Variants in MGAT3 observed in about 807,000 individuals in gnomAD.
MGAT3 encodes GlcNAc-T III.
MGAT3 carries 9 observed loss-of-function variants against 29.8 expected under a neutral mutation model. That is an observed-to-expected ratio of 0.30 (90% CI 0.18 to 0.53). MGAT3 has a LOEUF of 0.53. Among genes scored for constraint, MGAT3 ranks in the 20% least tolerant of loss-of-function variants. The pLI, the probability that MGAT3 is intolerant of heterozygous loss-of-function variation, is 0.96. For synonymous variants in MGAT3, 397 were observed against 348.9 expected (o/e 1.14, Z -1.54); for missense variants, 557 against 769.5 (o/e 0.72, Z 3.27).
intron 1 of MGAT3, among the ~76,000 whole-genome samples, chr22:39,466,574 T>C (rs1928653782): frequency 6.6e-6 from 1 of 152,226 alleles, no homozygotes; most frequent in Non-Finnish European, 1.5e-5. Context: ...TTGCTGATAC[T>C]GGTCCCCTGC....
chr22:39,468,499 A>G (rs149825015), intron 1 of MGAT3, among the ~76,000 whole-genome samples: 8 of 152,208 alleles, frequency 5.3e-5, no homozygotes, highest in Non-Finnish European at 1.0e-4. Flanking sequence ...CATTTCCTGT[A>G]TCTCCCCTCT....
chr22:39,487,632 G>C lies in MGAT3; in HGVS notation c.285G>C (p.Arg95=), dbSNP rs778804992. 8 of 1,611,476 alleles carry C rather than the reference G, an allele frequency of 5.0e-6. No individual in the cohort carries two copies. In the Admixed American group the frequency reaches 1.2e-4, roughly 24 times the overall value. Residue 95 remains arginine, a synonymous_variant, in exon 2 of 2, where the codon CGG becomes CGC. Coordinates refer to ENST00000341184, the MANE Select transcript of MGAT3 (RefSeq NM_002409.5). The surrounding 1 kb of genome is among the most constrained non-coding windows in gnomAD (Gnocchi z 5.7). The part of the protein sequence containing the change: ...PPSKAAEELH[R]VDLVLPEDTT... ...GCAAGGCGGCCGAGGAGCTCCACCGGGTGGACTTGGTGCTGCCCGAGGACA... is the reference window on the plus strand; with the variant it reads ...GCAAGGCGGCCGAGGAGCTCCACCGCGTGGACTTGGTGCTGCCCGAGGACA...
rs1047103193 is a variant in MGAT3 at position 39,472,618 on chromosome 22, G to A, written c.-1-14729G>A. Among the ~76,000 whole-genome samples the A allele has an allele frequency of 7.9e-5, 12 of 152,172 alleles. 1 individual carries two copies. Among genetic ancestry groups the A allele is most frequent in the Admixed American group, 5.2e-4 (8 of 15,278 alleles). ...ACCTAGGAGTGGCTCTGGGAGGGTG[G>A]GGCTGCCCCTCACTGCTGCCTGGTT... On this transcript the variant is annotated intron_variant, in intron 1 of 1. Coordinates refer to ENST00000341184, the MANE Select transcript of MGAT3 (RefSeq NM_002409.5).
At chr22:39,474,066 C>A (rs1241324328) in intron 1 of MGAT3, among the ~76,000 whole-genome samples, 1 of 152,052 alleles carries the variant, frequency 6.6e-6, no homozygotes, top group African/African-American at 2.4e-5. Context: ...TCCAGGGTGA[C>A]CCGTTCCTGT....
intron 1 of MGAT3, among the ~76,000 whole-genome samples, chr22:39,483,443 C>G (rs912316490): frequency 6.6e-6 from 1 of 151,810 alleles, no homozygotes; most frequent in African/African-American, 2.4e-5. Context: ...TGAGATCGCA[C>G]CATTGCACTC....
chr22:39,475,399 A>G (rs1355801333), intron 1 of MGAT3, among the ~76,000 whole-genome samples: 1 of 151,926 alleles, frequency 6.6e-6, no homozygotes, highest in East Asian at 1.9e-4. Flanking sequence ...ACATCTGTGT[A>G]TCGGGCCCTG....
chr22:39,491,364 GC>G lies in MGAT3; in HGVS notation c.*2416del, dbSNP rs1235574865. ...GGCTCAAACACTCGGGGTCCCTATG[GC>G]TCTGGGTCAATCTAGGCCAGGCTGC... On this transcript the variant is annotated 3_prime_UTR_variant, in exon 2 of 2. Transcript: ENST00000341184. This position sits in a 1 kb window ranked among gnomAD's most constrained non-coding sequence, Gnocchi z 5.5. 6 of 167,492 alleles carry G rather than the reference GC, an allele frequency of 3.6e-5. No individual in the cohort carries two copies. In the East Asian group the frequency reaches 9.4e-4, roughly 26 times the overall value. The allele number at this position is 167,492 out of a possible 1,614,324, so 10.4% of individuals were successfully genotyped here.
At chr22:39,468,169 C>G in intron 1 of MGAT3, among the ~76,000 whole-genome samples, 1 of 152,314 alleles carries the variant, frequency 6.6e-6, no homozygotes, top group East Asian at 1.9e-4. Context: ...TGTGCTTGCT[C>G]TGTCAGGACC....
At chr22:39,467,601 G>A (rs1264146725) in intron 1 of MGAT3, among the ~76,000 whole-genome samples, 1 of 152,168 alleles carries the variant, frequency 6.6e-6, no homozygotes, top group Admixed American at 6.5e-5. Flanking sequence ...GACACGACAC[G>A]GGACCTGTGA....
chr22:39,469,727 C>T (rs1928755272), intron 1 of MGAT3, among the ~76,000 whole-genome samples: 1 of 152,238 alleles, frequency 6.6e-6, no homozygotes, highest in Non-Finnish European at 1.5e-5. Flanking sequence ...TTTCCCCGTA[C>T]CCCCGCTCCG....
chr22:39,471,350 C>T (rs1169070435), intron 1 of MGAT3, among the ~76,000 whole-genome samples: 2 of 152,174 alleles, frequency 1.3e-5, no homozygotes, highest in South Asian at 2.1e-4. Context: ...CCCGTAAGCA[C>T]GGAAGCTCTT....
Position 39,488,193 on chromosome 22 carries a change from G to T in MGAT3, c.846G>T (p.Arg282=). The part of the protein sequence containing the change: ...VFLDHFPPGG[R]QDGWIADDYL... ...TGGACCACTTCCCGCCCGGCGGCCG[G>T]CAGGACGGCTGGATCGCCGACGACT... Residue 282 remains arginine, a synonymous_variant, in exon 2 of 2, where the codon CGG becomes CGT. Coordinates refer to ENST00000341184, the MANE Select transcript of MGAT3 (RefSeq NM_002409.5). The T allele has an allele frequency of 6.2e-7, 1 of 1,612,836 alleles. No homozygotes were observed.
At chr22:39,467,726 T>TTTCGTTTCGTTTC (rs1211650858) in intron 1 of MGAT3, among the ~76,000 whole-genome samples, 16 of 150,352 alleles carry the variant, frequency 1.1e-4, no homozygotes, top group Admixed American at 3.4e-4. Flanking sequence ...TGTTTCGTTT[T>TTTCGTTTCGTTTC]GTTTCGTTTC....
At chr22:39,485,571 A>G (rs1601729629) in intron 1 of MGAT3, among the ~76,000 whole-genome samples, 2 of 152,326 alleles carry the variant, frequency 1.3e-5, no homozygotes, top group East Asian at 3.9e-4. Context: ...TGGGCGGATC[A>G]CCTGAGGTCA....
At chr22:39,471,558 C>T (rs1228261336) in intron 1 of MGAT3, among the ~76,000 whole-genome samples, 1 of 152,028 alleles carries the variant, frequency 6.6e-6, no homozygotes, top group African/African-American at 2.4e-5. Flanking sequence ...GCCCTCCCAG[C>T]CCCCACTCCT....
chr22:39,479,316 C>T (rs1010853568), intron 1 of MGAT3, among the ~76,000 whole-genome samples: 3 of 152,190 alleles, frequency 2.0e-5, no homozygotes, highest in Non-Finnish European at 2.9e-5. Flanking sequence ...TCCAGCCTGC[C>T]TGGGTAACAA....
intron 1 of MGAT3, among the ~76,000 whole-genome samples, chr22:39,479,911 A>G (rs1929076035): frequency 6.6e-6 from 1 of 152,102 alleles, no homozygotes; most frequent in Admixed American, 6.5e-5. Flanking sequence ...GAAGACAGAC[A>G]TCTAGGGGAA....
At chr22:39,481,044 C>T (rs922986146) in intron 1 of MGAT3, among the ~76,000 whole-genome samples, 1 of 152,182 alleles carries the variant, frequency 6.6e-6, no homozygotes, top group Admixed American at 6.5e-5. Flanking sequence ...CAGGCCATGG[C>T]CTCCCTTCTC....
chr22:39,471,050 C>G (rs1185043620), intron 1 of MGAT3, among the ~76,000 whole-genome samples: 1 of 152,130 alleles, frequency 6.6e-6, no homozygotes, highest in African/African-American at 2.4e-5. Context: ...CCCGGCTTTT[C>G]CTGGGCCTCC....
Sources: allele counts gnomAD v4.1 joint callset (sites outside exome capture counted in the v4.1 genomes callset), GRCh38; gene constraint gnomAD v4.1.1; non-coding constraint Gnocchi (gnomAD v3.1); transcripts MANE v1.5; gene names NCBI Gene and HGNC (gene_info 2026-07-23, HGNC 2026-07-21).